Variants in UVRAG observed in about 807,000 individuals in gnomAD.
UVRAG encodes UV radiation resistance-associated gene protein.
A neutral mutation model predicts 78.0 loss-of-function variants in UVRAG; 19 were observed. That is an observed-to-expected ratio of 0.24 (90% CI 0.17 to 0.36). The LOEUF is 0.36. Among genes scored for constraint, UVRAG ranks in the 10% least tolerant of loss-of-function variants. The pLI is 1.00. For missense variants in UVRAG, 740 were observed against 853.8 expected (o/e 0.87, Z 1.66); for synonymous variants, 323 against 324.6 (o/e 1.00, Z 0.05).
chr11:75,946,730 G>C (rs917435090), intron 6 of UVRAG, among the ~76,000 whole-genome samples: 1 of 152,158 alleles, frequency 6.6e-6, no homozygotes, highest in Admixed American at 6.6e-5. Flanking sequence ...GCCACCTGCA[G>C]TTTCTTGCCA....
intron 1 of UVRAG, among the ~76,000 whole-genome samples, chr11:75,845,142 G>A (rs1052579854): frequency 1.3e-5 from 2 of 152,142 alleles, no homozygotes; most frequent in Admixed American, 6.5e-5. Flanking sequence ...AGCTGAATAG[G>A]TTTTGATTTT....
intron 3 of UVRAG, among the ~76,000 whole-genome samples, chr11:75,875,226 T>C (rs1240757474): frequency 6.6e-6 from 1 of 152,236 alleles, no homozygotes; most frequent in Non-Finnish European, 1.5e-5. Context: ...CATTCATTCT[T>C]GCAGCAAAAA....
At chr11:76,003,027 GTCA>G (rs1404859482) in intron 8 of UVRAG, among the ~76,000 whole-genome samples, 1 of 151,834 alleles carries the variant, frequency 6.6e-6, no homozygotes, top group Non-Finnish European at 1.5e-5. Flanking sequence ...ACATTTAGCT[GTCA>G]TCATGCCACT....
intron 3 of UVRAG, among the ~76,000 whole-genome samples, chr11:75,862,485 C>T (rs1946444406): frequency 6.6e-6 from 1 of 152,228 alleles, no homozygotes; most frequent in East Asian, 1.9e-4. Context: ...TGGATTTGGC[C>T]CTTGTCTGCT....
intron 12 of UVRAG, among the ~76,000 whole-genome samples, chr11:76,025,823 G>A (rs989757954): frequency 3.3e-5 from 5 of 152,042 alleles, no homozygotes; most frequent in Non-Finnish European, 1.5e-5. Context: ...CACCTTTTTT[G>A]TGACTAGGTG....
chr11:75,982,550 A>G (rs1022553897), intron 7 of UVRAG, among the ~76,000 whole-genome samples: 4 of 152,172 alleles, frequency 2.6e-5, no homozygotes, highest in Non-Finnish European at 1.5e-5. Context: ...GTAAAAGTCC[A>G]GGATCCCCAT....
chr11:76,127,439 A>G (rs541119255), intron 14 of UVRAG, among the ~76,000 whole-genome samples: 1 of 152,114 alleles, frequency 6.6e-6, no homozygotes, highest in South Asian at 2.1e-4. Context: ...GGATCACCTG[A>G]GGTCAGGAGT....
chr11:75,987,773 G>T (rs894027595), intron 8 of UVRAG, among the ~76,000 whole-genome samples: 3 of 147,314 alleles, frequency 2.0e-5, no homozygotes, highest in Non-Finnish European at 4.5e-5. Context: ...TTTCGCTCTT[G>T]TCTCCCAGAC....
intron 6 of UVRAG, chr11:75,930,975 CTTT>C: frequency 6.7e-6 from 1 of 148,954 alleles, no homozygotes; most frequent in Non-Finnish European, 1.5e-5. Flanking sequence ...TTCTTTCTTT[CTTT>C]CTTTCTTTCC....
chr11:75,943,848 A>T (rs186867051), intron 6 of UVRAG, among the ~76,000 whole-genome samples: 10 of 152,264 alleles, frequency 6.6e-5, no homozygotes, highest in Non-Finnish European at 1.5e-4. Context: ...CTTCCCAACT[A>T]TGTGCATGGT....
At chr11:76,136,274 C>G (rs180960617) in intron 14 of UVRAG, among the ~76,000 whole-genome samples, 1 of 151,976 alleles carries the variant, frequency 6.6e-6, no homozygotes, top group Non-Finnish European at 1.5e-5. Context: ...TATTAAAAAT[C>G]TATGCATTAT....
intron 12 of UVRAG, among the ~76,000 whole-genome samples, chr11:76,021,877 G>C (rs1950251733): frequency 6.6e-6 from 1 of 152,078 alleles, no homozygotes; most frequent in Non-Finnish European, 1.5e-5. Flanking sequence ...AACATGGCGA[G>C]ACACTGTCTT....
intron 12 of UVRAG, among the ~76,000 whole-genome samples, chr11:76,040,810 C>T (rs1010921452): frequency 6.6e-5 from 10 of 152,068 alleles, no homozygotes. Flanking sequence ...CTGCCTTGGC[C>T]TCCCAAGGTG....
chr11:75,815,849 C>G (rs1945253747), intron 1 of UVRAG, among the ~76,000 whole-genome samples: 1 of 152,202 alleles, frequency 6.6e-6, no homozygotes, highest in South Asian at 2.1e-4. Flanking sequence ...CCCGCGCAGA[C>G]CCTCTCCCTC....
chr11:75,985,542 G>A (rs1949484248), intron 8 of UVRAG, among the ~76,000 whole-genome samples: 1 of 151,996 alleles, frequency 6.6e-6, no homozygotes, highest in Non-Finnish European at 1.5e-5. Context: ...ATGAACAGAA[G>A]TTCCATTTTA....
At position 76,142,654 on chromosome 11, in the gene UVRAG, C is replaced by T. The variant is rs927014271; in HGVS notation, c.*1241C>T. ...GAATAAAAATTGAGTTTACTTCACC[C>T]GACCTGATTTTTTTTTACCAGCTTG... On this transcript the variant is annotated 3_prime_UTR_variant, in exon 15 of 15. Transcript: ENST00000356136. 2 of 152,386 alleles carry T rather than the reference C, an allele frequency of 1.3e-5. No individual in the cohort carries two copies. The highest frequency in any genetic ancestry group is 2.1e-4 in the South Asian group (1 of 4,826). 9.4% of individuals were successfully genotyped at this position (152,386 alleles called of 1,614,324 possible).
intron 8 of UVRAG, among the ~76,000 whole-genome samples, chr11:76,003,581 A>G (rs1424384826): frequency 6.6e-6 from 1 of 152,158 alleles, no homozygotes; most frequent in East Asian, 1.9e-4. Context: ...TTTATGAACT[A>G]TATTTTAGTA....
At chr11:76,127,814 G>A (rs1390011857) in intron 14 of UVRAG, among the ~76,000 whole-genome samples, 4 of 151,860 alleles carry the variant, frequency 2.6e-5, no homozygotes, top group South Asian at 2.1e-4. Context: ...AAAATTAGCC[G>A]GACGTGGTAG....
Position 75,983,486 on chromosome 11 carries a change from A to G in UVRAG, c.799A>G (p.Lys267Glu), listed in dbSNP as rs143426525. 433 of 1,609,804 alleles carry G rather than the reference A, an allele frequency of 2.7e-4. 3 individuals carry two copies. The highest frequency in any genetic ancestry group is 2.2e-3 in the South Asian group (195 of 90,372). Residue 267 changes from lysine (K) to glutamate (E), a missense_variant, in exon 8 of 15, where the codon AAG becomes GAG. By Grantham distance (56) the Lys-to-Glu change is moderately conservative. Coordinates refer to ENST00000356136, the MANE Select transcript of UVRAG (RefSeq NM_003369.4). ...ALGREVALLHKQQIALQDKGS... is the reference protein window; with the variant it reads ...ALGREVALLHEQQIALQDKGS... ...GGGACGGGAGGTGGCATTACTGCAT[A>G]AGCAACAAATTGCATTACAAGACAA...
Sources: allele counts gnomAD v4.1 joint callset (sites outside exome capture counted in the v4.1 genomes callset), GRCh38; gene constraint gnomAD v4.1.1; transcripts MANE v1.5; gene names NCBI Gene and HGNC (gene_info 2026-07-23, HGNC 2026-07-21).